The following SLC35F4 variants were observed in gnomAD, a reference collection of about 807,000 sequenced individuals.
SLC35F4 encodes chromosome 14 open reading frame 36.
In SLC35F4, 24 loss-of-function variants were observed where a neutral mutation model predicts 44.2. The observed-to-expected ratio is 0.54, with a 90% CI of 0.39 to 0.76. The LOEUF (loss-of-function observed/expected upper bound fraction) is 0.76, where lower values mean the gene tolerates loss of function less well. Among genes scored for constraint, SLC35F4 ranks in the 30% least tolerant of loss-of-function variants. SLC35F4 has a pLI of 0.00. For missense variants in SLC35F4, 562 were observed against 586.1 expected (o/e 0.96, Z 0.42); for synonymous variants, 238 against 223.6 (o/e 1.06, Z -0.57).
At chr14:57,960,233 C>G (rs1394149975) in intron 1 of SLC35F4, among the ~76,000 whole-genome samples, 1 of 152,168 alleles carries the variant, frequency 6.6e-6, no homozygotes, top group Admixed American at 6.5e-5. Context: ...GGCAGTGAAC[C>G]AAGACCTCAG....
At chr14:57,711,441 G>A (rs2075815674) in intron 1 of SLC35F4, among the ~76,000 whole-genome samples, 1 of 152,132 alleles carries the variant, frequency 6.6e-6, no homozygotes, top group Admixed American at 6.5e-5. Flanking sequence ...GTAAAAAAAA[G>A]TGGTTATGAC....
chr14:57,925,708 C>T (rs1395374439), intron 1 of SLC35F4, among the ~76,000 whole-genome samples: 2 of 150,730 alleles, frequency 1.3e-5, no homozygotes, highest in Non-Finnish European at 2.9e-5. Flanking sequence ...TAATTTGTGT[C>T]ATACTACAAG....
chr14:57,971,197 T>G lies in SLC35F4; in HGVS notation n.282+10716A>C, dbSNP rs1199410311. 5.9e-5 allele frequency among the ~76,000 whole-genome samples: 9 copies of G among 152,246 alleles called. No individual in the cohort carries two copies. The East Asian group carries it at 1.7e-3, about 29-fold the overall frequency. On this transcript the variant is annotated intron_variant and non_coding_transcript_variant, in intron 1 of 1. Coordinates refer to the SLC35F4 transcript ENST00000556568. The stretch of plus-strand genomic sequence containing the variant: ...GAAATGAGCACAATCATTATTAGAA[T>G]GTACATAGGTTCTTCTAAAAATACC...
intron 1 of SLC35F4, among the ~76,000 whole-genome samples, chr14:57,826,908 C>G (rs1045124245): frequency 6.6e-6 from 1 of 152,060 alleles, no homozygotes; most frequent in African/African-American, 2.4e-5. Flanking sequence ...ACACTATTGG[C>G]AGGAATGTAA....
intron 1 of SLC35F4, among the ~76,000 whole-genome samples, chr14:57,636,252 G>A (rs927632856): frequency 6.6e-6 from 1 of 152,134 alleles, no homozygotes; most frequent in African/African-American, 2.4e-5. Context: ...GATGGGAACT[G>A]TTTTCAGTAC....
At chr14:57,701,577 T>C (rs1444926432) in intron 1 of SLC35F4, among the ~76,000 whole-genome samples, 1 of 152,150 alleles carries the variant, frequency 6.6e-6, no homozygotes, top group Non-Finnish European at 1.5e-5. Flanking sequence ...ACATGAGTAA[T>C]ACATTGTGCC....
At chr14:57,686,179 C>T (rs2075061886) in intron 1 of SLC35F4, among the ~76,000 whole-genome samples, 3 of 152,120 alleles carry the variant, frequency 2.0e-5, no homozygotes, top group Non-Finnish European at 4.4e-5. Context: ...CGTTGATTCT[C>T]ATATTACTGG....
intron 1 of SLC35F4, among the ~76,000 whole-genome samples, chr14:57,614,139 A>G (rs1213976400): frequency 6.6e-6 from 1 of 152,142 alleles, no homozygotes; most frequent in Non-Finnish European, 1.5e-5. Context: ...CTAACATCCC[A>G]TTATTGCTAA....
chr14:57,793,608 T>A (rs990470509), intron 1 of SLC35F4, among the ~76,000 whole-genome samples: 1 of 152,126 alleles, frequency 6.6e-6, no homozygotes, highest in African/African-American at 2.4e-5. Flanking sequence ...TCATGGTATA[T>A]GTATACCAAA....
intron 1 of SLC35F4, among the ~76,000 whole-genome samples, chr14:57,887,933 G>T (rs982871476): frequency 6.6e-6 from 1 of 152,154 alleles, no homozygotes; most frequent in Admixed American, 6.6e-5. Flanking sequence ...TAATTTTTCT[G>T]CAGGAAACTA....
chr14:57,684,889 AT>A (rs1367484782), intron 1 of SLC35F4, among the ~76,000 whole-genome samples: 1 of 152,078 alleles, frequency 6.6e-6, no homozygotes, highest in Non-Finnish European at 1.5e-5. Flanking sequence ...TGGTAGGTAG[AT>A]TGTGTAGCTC....
intron 1 of SLC35F4, among the ~76,000 whole-genome samples, chr14:57,842,317 A>G (rs1566897369): frequency 6.6e-6 from 1 of 152,186 alleles, no homozygotes; most frequent in Non-Finnish European, 1.5e-5. Flanking sequence ...AATGGGGCAT[A>G]GTCAAGCCAG....
At chr14:57,954,832 G>A (rs1487513933) in intron 1 of SLC35F4, among the ~76,000 whole-genome samples, 7 of 150,944 alleles carry the variant, frequency 4.6e-5, no homozygotes, top group Admixed American at 2.6e-4. Flanking sequence ...ATTCACAGCC[G>A]AATTCTACCA....
intron 1 of SLC35F4, among the ~76,000 whole-genome samples, chr14:57,775,670 T>G (rs1166626793): frequency 1.3e-5 from 2 of 152,150 alleles, no homozygotes; most frequent in Admixed American, 6.5e-5. Flanking sequence ...ACTTCAGAGA[T>G]TGAAGGAACA....
intron 1 of SLC35F4, among the ~76,000 whole-genome samples, chr14:57,971,044 T>G (rs1228429937): frequency 6.6e-6 from 1 of 152,200 alleles, no homozygotes; most frequent in African/African-American, 2.4e-5. Flanking sequence ...CTTAATGAGT[T>G]GCCAAATTAA....
At chr14:57,701,526 G>A (rs1431009095) in intron 1 of SLC35F4, among the ~76,000 whole-genome samples, 2 of 152,038 alleles carry the variant, frequency 1.3e-5, no homozygotes, top group Non-Finnish European at 2.9e-5. Flanking sequence ...TTATACAGCT[G>A]GCGGCATAGT....
chr14:57,849,187 T>C (rs980285996), intron 1 of SLC35F4, among the ~76,000 whole-genome samples: 2 of 152,170 alleles, frequency 1.3e-5, no homozygotes, highest in African/African-American at 4.8e-5. Context: ...CTAACAATTT[T>C]GTTGTTGTTG....
At position 57,682,043 on chromosome 14, in the gene SLC35F4, G is replaced by A. The variant is rs151118546; in HGVS notation, c.104-87919C>T. Among the ~76,000 whole-genome samples the A allele has an allele frequency of 5.7e-3, 869 of 152,300 alleles. 8 individuals are homozygous for A. Among genetic ancestry groups the A allele is most frequent in the African/African-American group, 0.02 (832 of 41,556 alleles). ...GAAATAGGAACACTTTTACACTGTTGGTTAGAGTGTAAATTAGTTCAGTCA... is the reference window on the plus strand; with the variant it reads ...GAAATAGGAACACTTTTACACTGTTAGTTAGAGTGTAAATTAGTTCAGTCA... On this transcript the variant is annotated intron_variant, in intron 1 of 7. Transcript: ENST00000556826.
chr14:57,704,863 A>T (rs144621634), intron 1 of SLC35F4, among the ~76,000 whole-genome samples: 8 of 152,298 alleles, frequency 5.3e-5, no homozygotes, highest in Non-Finnish European at 8.8e-5. Flanking sequence ...ACTCAGGCAG[A>T]AGCTCACCCT....
Sources: gnomAD v4.1 joint callset for allele counts (sites outside exome capture counted in the v4.1 genomes callset) on GRCh38, gnomAD v4.1.1 for gene constraint, MANE v1.5 for transcripts, NCBI Gene and HGNC (gene_info 2026-07-23, HGNC 2026-07-21) for gene names.